Variants in ARID4A observed in about 807,000 individuals in gnomAD.
ARID4A encodes AT-rich interactive domain-containing protein 4A.
In ARID4A, 39 loss-of-function variants were observed where a neutral mutation model predicts 148.6. The ratio of observed to expected loss-of-function variants is 0.26; its 90% CI spans 0.20 to 0.34. The LOEUF is 0.34. ARID4A is among the 10% of genes least tolerant of loss of function. The pLI is 1.00. For synonymous variants in ARID4A, 475 were observed against 481.2 expected (o/e 0.99, Z 0.17); for missense variants, 1,265 against 1,449.1 (o/e 0.87, Z 2.06).
chr14:58,304,803 G>C (rs1425937872), intron 3 of ARID4A, 141 bp from the exon 4 acceptor site: 1 of 669,926 alleles, frequency 1.5e-6, no homozygotes, highest in Non-Finnish European at 2.6e-6. Flanking sequence ...GTTAATAAGA[G>C]AATGTAATAA....
intron 8 of ARID4A, among the ~76,000 whole-genome samples, 167 bp downstream of exon 8, chr14:58,323,784 C>T (rs1201769050): frequency 2.0e-5 from 3 of 149,478 alleles, no homozygotes; most frequent in African/African-American, 7.4e-5. Flanking sequence ...TCACTGTCTT[C>T]TTTGGTTATT....
At chr14:58,368,675 G>GT (rs557161097) in intron 23 of ARID4A, among the ~76,000 whole-genome samples, 37 of 152,118 alleles carry the variant, frequency 2.4e-4, no homozygotes, top group Admixed American at 1.0e-3. Flanking sequence ...AAGTGTTTGG[G>GT]TTTTTTATTT....
At position 58,366,154 on chromosome 14, in the gene ARID4A, A is replaced by C; in HGVS notation, c.3447A>C (p.Lys1149Asn). The change falls in exon 22 of 24, where the codon AAA (lysine) becomes AAC (asparagine). Residue 1149 changes from lysine (K) to asparagine (N), a missense_variant. Physicochemically the swap from Lys to Asn is moderately conservative, Grantham distance 94 (BLOSUM62 0). Coordinates refer to ENST00000355431, the MANE Select transcript of ARID4A (RefSeq NM_002892.4). ...RSPARISPHI[K>N]DGEKDKHREK... Reference sequence around the variant, plus strand: ...CTGCAAGAATATCCCCGCACATCAAAGATGGAGAGAAAGATAAACACAGAG... The same window carrying C: ...CTGCAAGAATATCCCCGCACATCAACGATGGAGAGAAAGATAAACACAGAG... 1.2e-6 allele frequency: 2 copies of C among 1,613,990 alleles called. No individual in the cohort carries two copies. Among genetic ancestry groups the C allele is most frequent in the Non-Finnish European group, 1.7e-6 (2 of 1,179,888 alleles).
intron 16 of ARID4A, 70 bp from the exon 17 acceptor site, chr14:58,353,588 G>T: frequency 7.4e-7 from 1 of 1,348,594 alleles, no homozygotes; most frequent in Non-Finnish European, 1.0e-6. Context: ...TCTACCTGTT[G>T]GATTCTTTTA....
chr14:58,307,117 C>T (rs2031667718), intron 5 of ARID4A, among the ~76,000 whole-genome samples: 1 of 152,202 alleles, frequency 6.6e-6, no homozygotes, highest in African/African-American at 2.4e-5. Flanking sequence ...CCTCTCAGTA[C>T]TTTCAAACTG....
chr14:58,364,485 C>T lies in ARID4A; in HGVS notation c.2396C>T (p.Thr799Ile). ...AAAGGAAAGGGAAGACGAAGCAAGACAAAAGATCTTTCTTTAGAAATTATA... is the reference window on the plus strand; with the variant it reads ...AAAGGAAAGGGAAGACGAAGCAAGATAAAAGATCTTTCTTTAGAAATTATA... ...SPKGKGRRSK[T>I]KDLSLEIIKI... The change falls in exon 20 of 24, where the codon ACA becomes ATA. Residue 799 changes from threonine to isoleucine, a missense_variant. Around this residue, in one of 9 missense-constraint regions of ARID4A, gnomAD observed 666 missense variants for 730.9 expected, o/e 0.91. Transcript: ENST00000355431. 6.2e-7 allele frequency: 1 copy of T among 1,612,546 alleles called. No individual in the cohort carries two copies. The highest frequency in any genetic ancestry group is 8.5e-7 in the Non-Finnish European group (1 of 1,179,714).
In ARID4A at chr14:58,344,806, T is replaced by G. The variant is rs760722548; in HGVS notation, c.979+39T>G. 8 of 1,467,408 alleles carry G rather than the reference T, an allele frequency of 5.5e-6. No individual in the cohort carries two copies. The South Asian group carries it at 9.3e-5, about 17-fold the overall frequency. 90.9% of individuals were successfully genotyped at this position (1,467,408 alleles called of 1,614,324 possible). ...CATTATTTTAAAGTAGTCATTTCTT[T>G]TTCATGTTTACATTCTAGGTATATG... On this transcript the variant is annotated intron_variant, in intron 12 of 23. Transcript: ENST00000355431.
In ARID4A at chr14:58,359,107, CTTTTTTTTTTT is replaced by C. The variant is rs752553814; in HGVS notation, c.1854-14_1854-4del. On this transcript the variant is annotated splice_polypyrimidine_tract_variant and intron_variant, in intron 17 of 23. Transcript: ENST00000355431. ...ATAATGTATAAAGTTTGTACAAACT[CTTTTTTTTTTT>C]TTTTTTTTTTAAGGTATGATGAGTG... 2 of 1,298,546 alleles carry C rather than the reference CTTTTTTTTTTT, an allele frequency of 1.5e-6. No individual in the cohort carries two copies. The highest frequency in any genetic ancestry group is 2.0e-6 in the Non-Finnish European group (2 of 982,662). The allele number at this position is 1,298,546 out of a possible 1,614,324, so 80.4% of individuals were successfully genotyped here.
chr14:58,326,583 C>T (rs1490441366), intron 8 of ARID4A, among the ~76,000 whole-genome samples: 1 of 152,144 alleles, frequency 6.6e-6, no homozygotes, highest in South Asian at 2.1e-4. Flanking sequence ...TTTAAAAGTT[C>T]ATCTAAAGAA....
chr14:58,364,583 T>A lies in ARID4A; in HGVS notation c.2494T>A (p.Ser832Thr), dbSNP rs182089987. 29 of 1,612,860 alleles carry A rather than the reference T, an allele frequency of 1.8e-5. No individual in the cohort carries two copies. The highest frequency in any genetic ancestry group is 6.7e-5 in the Admixed American group (4 of 59,746). The change falls in exon 20 of 24, where the codon TCA (serine) becomes ACA (threonine). Residue 832 changes from serine (S) to threonine (T), a missense_variant. Ser to Thr is a moderately conservative substitution (Grantham distance 58, BLOSUM62 1). Transcript: ENST00000355431. ...AGAAGCTCATAGTCTTGAATTGTCT[T>A]CATTAGACAATAAAAACTTTTCTTC... ...HIEAHSLELS[S>T]LDNKNFSSAT...
chr14:58,350,940 C>A, intron 15 of ARID4A, 133 bp from the exon 16 acceptor site: 2 of 732,608 alleles, frequency 2.7e-6, no homozygotes, highest in Non-Finnish European at 4.2e-6. Flanking sequence ...GAGAAAGGTA[C>A]CTTTGAGTTG....
intron 17 of ARID4A, among the ~76,000 whole-genome samples, chr14:58,357,087 C>A (rs1160203463): frequency 6.6e-6 from 1 of 152,160 alleles, no homozygotes; most frequent in African/African-American, 2.4e-5. Flanking sequence ...GCTAAGAAAT[C>A]ATGAGACTAA....
rs770139929 is a variant in ARID4A at position 58,365,927 on chromosome 14, C to CA, written c.3317-97_3317-96insA. 83 of 1,099,076 alleles carry CA rather than the reference C, an allele frequency of 7.6e-5. 1 individual carries two copies. The highest frequency in any genetic ancestry group is 1.1e-4 in the Non-Finnish European group (82 of 767,402). 68.1% of individuals were successfully genotyped at this position (1,099,076 alleles called of 1,614,324 possible). ...ACTTTGTGCATTTGTGCACTTATTTCTGTAGGATACCAAGAAATGTAATTG... is the reference window on the plus strand; with the variant it reads ...ACTTTGTGCATTTGTGCACTTATTTCATGTAGGATACCAAGAAATGTAATTG... On this transcript the variant is annotated intron_variant, in intron 21 of 23. Coordinates refer to ENST00000355431, the MANE Select transcript of ARID4A (RefSeq NM_002892.4).
At chr14:58,306,286 C>T (rs566079585) in intron 5 of ARID4A, among the ~76,000 whole-genome samples, 174 bp downstream of exon 5, 1 of 152,142 alleles carries the variant, frequency 6.6e-6, no homozygotes, top group Non-Finnish European at 1.5e-5. Context: ...AAATAATTAT[C>T]TCTTACAGTA....
At chr14:58,309,160 G>A (rs1276161931) in intron 5 of ARID4A, among the ~76,000 whole-genome samples, 1 of 152,046 alleles carries the variant, frequency 6.6e-6, no homozygotes, top group East Asian at 1.9e-4. Flanking sequence ...CTGTTGCCCA[G>A]GCTTTTGTTC....
intron 11 of ARID4A, among the ~76,000 whole-genome samples, chr14:58,343,196 C>T (rs989977638): frequency 4.6e-5 from 7 of 152,128 alleles, no homozygotes; most frequent in African/African-American, 1.7e-4. Context: ...TAAGTAATGA[C>T]CTTCACTAAC....
chr14:58,365,467 CTTTTTTTTTTT>C (rs71107938), intron 20 of ARID4A, 40 bp from the exon 21 acceptor site: 4 of 349,156 alleles, frequency 1.1e-5, no homozygotes, highest in East Asian at 5.7e-5. Context: ...TATACTTGCT[CTTTTTTTTTTT>C]TTTTTTTTTT....
In ARID4A at chr14:58,348,865, C is replaced by G. The variant is rs547010101; in HGVS notation, c.1404+987C>G. Among the ~76,000 whole-genome samples, 14 of 151,924 alleles carry G rather than the reference C, an allele frequency of 9.2e-5. No homozygotes were observed. The South Asian group carries it at 2.9e-3, about 32-fold the overall frequency. On this transcript the variant is annotated intron_variant, in intron 15 of 23. Coordinates refer to ENST00000355431, the MANE Select transcript of ARID4A (RefSeq NM_002892.4). Reference sequence around the variant, plus strand: ...TTAAAATTGTGGTAAGTACATATAACATAAAATTTGCCACCTTAACTCTTT... The same window carrying G: ...TTAAAATTGTGGTAAGTACATATAAGATAAAATTTGCCACCTTAACTCTTT...
At chr14:58,302,665 A>G (rs1457335384) in intron 3 of ARID4A, among the ~76,000 whole-genome samples, 1 of 152,014 alleles carries the variant, frequency 6.6e-6, no homozygotes, top group Non-Finnish European at 1.5e-5. Context: ...ATATATATGT[A>G]TATTTTTGGC....
Sources: gnomAD v4.1 joint callset for allele counts (sites outside exome capture counted in the v4.1 genomes callset) on GRCh38, gnomAD v4.1.1 for gene constraint, gnomAD v4.1.1 regional missense constraint, MANE v1.5 for transcripts, NCBI Gene and HGNC (gene_info 2026-07-23, HGNC 2026-07-21) for gene names.